TRMT11: variants seen among roughly 807,000 people sequenced by gnomAD.
TRMT11 encodes the protein tRNA (guanine(10)-N(2))-methyltransferase TRMT11.
TRMT11 carries 53 observed loss-of-function variants against 62.8 expected under a neutral mutation model. That is an observed-to-expected ratio of 0.84 (90% CI 0.68 to 1.06). The LOEUF (loss-of-function observed/expected upper bound fraction) is 1.06. Ranked by LOEUF, TRMT11 falls within the 50% of genes least tolerant of loss-of-function variation. TRMT11 has a pLI of 0.00. For synonymous variants in TRMT11, 188 were observed against 190.3 expected (o/e 0.99, Z 0.10); for missense variants, 556 against 553.4 (o/e 1.00, Z -0.05).
chr6:126,037,827 T>C (rs564369839), intron 12 of TRMT11, among the ~76,000 whole-genome samples: 1 of 152,104 alleles, frequency 6.6e-6, no homozygotes, highest in Non-Finnish European at 1.5e-5. Context: ...TTTTTATATT[T>C]TTAGCTACCA....
chr6:126,253,175 G>A, the TRMT11 span, among the ~76,000 whole-genome samples: 1 of 151,980 alleles, frequency 6.6e-6, no homozygotes, highest in East Asian at 1.9e-4. Flanking sequence ...AGTGGCTCAT[G>A]CCTGTAATCC....
chr6:126,093,846 G>A (rs1195962841), intron 17 of TRMT11, among the ~76,000 whole-genome samples: 1 of 151,428 alleles, frequency 6.6e-6, no homozygotes, highest in Non-Finnish European at 1.5e-5. Context: ...AATAAGATTA[G>A]CCTATAAAAA....
At chr6:126,093,626 TA>T (rs1777305384) in intron 17 of TRMT11, among the ~76,000 whole-genome samples, 2 of 105,488 alleles carry the variant, frequency 1.9e-5, no homozygotes, top group Admixed American at 8.9e-5. Context: ...TATATATATA[TA>T]TATATTTTCC....
intron 12 of TRMT11, among the ~76,000 whole-genome samples, chr6:126,029,893 T>A (rs923287439): frequency 2.0e-5 from 3 of 152,198 alleles, no homozygotes; most frequent in Non-Finnish European, 2.9e-5. Context: ...ATGTTTTTTT[T>A]ATAAGTATTA....
intron 17 of TRMT11, among the ~76,000 whole-genome samples, chr6:126,109,937 C>A (rs749951132): frequency 1.3e-4 from 20 of 152,148 alleles, no homozygotes; most frequent in Non-Finnish European, 2.5e-4. Context: ...GGGTTGGCAC[C>A]AAGCATGACT....
intron 17 of TRMT11, among the ~76,000 whole-genome samples, chr6:126,064,020 A>G (rs1055807660): frequency 1.3e-5 from 2 of 152,172 alleles, no homozygotes; most frequent in Non-Finnish European, 2.9e-5. Flanking sequence ...TTGGCATCTT[A>G]CATTTCTGAA....
the TRMT11 span, among the ~76,000 whole-genome samples, chr6:126,249,287 T>C: frequency 3.4e-4 from 52 of 152,092 alleles, no homozygotes; most frequent in Non-Finnish European, 6.0e-4. Flanking sequence ...CATAGCATTA[T>C]GACAATAAAT....
At chr6:126,110,875 C>T (rs1288911499) in intron 17 of TRMT11, among the ~76,000 whole-genome samples, 1 of 152,120 alleles carries the variant, frequency 6.6e-6, no homozygotes, top group Non-Finnish European at 1.5e-5. Context: ...GATGTCAACT[C>T]TACTTAGTGG....
the TRMT11 span, among the ~76,000 whole-genome samples, chr6:126,213,458 C>T: frequency 6.6e-5 from 10 of 151,524 alleles, no homozygotes; most frequent in Non-Finnish European, 1.0e-4. Flanking sequence ...TATGAATACT[C>T]ACTTCTTTGG....
chr6:126,010,050 T>G (rs1431587239), intron 8 of TRMT11, among the ~76,000 whole-genome samples: 1 of 151,990 alleles, frequency 6.6e-6, no homozygotes, highest in African/African-American at 2.4e-5. Flanking sequence ...TTGGCAAATC[T>G]GTAGAGGTTC....
chr6:126,145,453 G>C (rs1342086469), intron 21 of TRMT11, among the ~76,000 whole-genome samples: 3 of 152,150 alleles, frequency 2.0e-5, no homozygotes, highest in African/African-American at 7.2e-5. Context: ...AAAAGGAGAG[G>C]GGGCTATGGG....
the TRMT11 span, among the ~76,000 whole-genome samples, chr6:126,225,765 A>T: frequency 1.2e-3 from 160 of 135,996 alleles, 2 homozygotes; most frequent in African/African-American, 4.2e-3. Context: ...ATCTCGGCTC[A>T]TTGCACCCTC....
At chr6:126,266,728 T>A in the TRMT11 span, among the ~76,000 whole-genome samples, 1 of 152,232 alleles carries the variant, frequency 6.6e-6, no homozygotes, top group Non-Finnish European at 1.5e-5. Flanking sequence ...AATTTTATTT[T>A]CATTGCCATA....
At chr6:125,999,381 A>G in intron 6 of TRMT11, 76 bp from the exon 7 acceptor site, 1 of 1,157,184 alleles carries the variant, frequency 8.6e-7, no homozygotes, top group Non-Finnish European at 1.2e-6. Context: ...AGCAAAATAC[A>G]ATGGTCTTAT....
At chr6:126,272,221 C>T in the TRMT11 span, among the ~76,000 whole-genome samples, 47 of 152,180 alleles carry the variant, frequency 3.1e-4, no homozygotes, top group African/African-American at 1.1e-3. Flanking sequence ...AATTCTGGTC[C>T]TTAAATTAAC....
In TRMT11 at chr6:126,155,042, G is replaced by C. The variant is rs116674174; in HGVS notation, c.*1824-19783G>C. Among the ~76,000 whole-genome samples the C allele has an allele frequency of 7.0e-3, 1,062 of 152,264 alleles. 11 individuals carry two copies. The highest frequency in any genetic ancestry group is 0.024 in the African/African-American group (1,014 of 41,532). On this transcript the variant is annotated intron_variant and NMD_transcript_variant, in intron 21 of 22. Coordinates refer to the TRMT11 transcript ENST00000648977. ...GTCTCTAAACTCATTGTATTAGGCTGTTTGAGTTGTTATAAAGAAATACCT... is the reference window on the plus strand; with the variant it reads ...GTCTCTAAACTCATTGTATTAGGCTCTTTGAGTTGTTATAAAGAAATACCT...
At chr6:126,202,341 A>G (rs1175539784), downstream of TRMT11, 5 of 152,214 alleles carry the variant, frequency 3.3e-5, no homozygotes, top group Admixed American at 3.3e-4. Flanking sequence ...GTTTACTTGT[A>G]AAGATTATTA....
In TRMT11 at chr6:126,115,281, C is replaced by T. The variant is rs1777574729; in HGVS notation, c.*1562-64C>T. Among the ~76,000 whole-genome samples the T allele has an allele frequency of 2.0e-5, 3 of 152,112 alleles. No homozygotes were observed. In the East Asian group the frequency reaches 5.8e-4, roughly 29 times the overall value. ...CTGTGCTCACTATTATTCGTCTTCT[C>T]TGTAGTTCTTGACTTTGCCTGTACG... On this transcript the variant is annotated intron_variant and NMD_transcript_variant, in intron 19 of 22. Transcript: ENST00000648977.
intron 16 of TRMT11, among the ~76,000 whole-genome samples, chr6:126,048,664 C>T (rs1776127906): frequency 6.6e-6 from 1 of 152,154 alleles, no homozygotes; most frequent in Non-Finnish European, 1.5e-5. Flanking sequence ...ATAGACAGGA[C>T]ACAAGTAAAG....
Sources: gnomAD v4.1 joint callset for allele counts (sites outside exome capture counted in the v4.1 genomes callset) on GRCh38, gnomAD v4.1.1 for gene constraint, MANE v1.5 for transcripts, NCBI Gene and HGNC (gene_info 2026-07-23, HGNC 2026-07-21) for gene names.